RNASEH2B: variants seen among roughly 807,000 people sequenced by gnomAD.
RNASEH2B encodes ribonuclease H2 subunit B, also known as Aicardi-Goutieres syndrome 2 protein.
Under a neutral mutation model 45.0 loss-of-function variants are expected in RNASEH2B, and 36 were observed. The ratio of observed to expected loss-of-function variants is 0.80; its 90% CI spans 0.61 to 1.06. RNASEH2B has a LOEUF of 1.06. Among genes scored for constraint, RNASEH2B ranks in the 50% least tolerant of loss-of-function variants. RNASEH2B has a pLI of 0.00. For missense variants in RNASEH2B, 361 were observed against 360.3 expected (o/e 1.00, Z -0.02); for synonymous variants, 119 against 125.7 (o/e 0.95, Z 0.35).
intron 1 of RNASEH2B, among the ~76,000 whole-genome samples, chr13:50,919,947 G>A (rs1380863549): frequency 6.6e-6 from 1 of 152,186 alleles, no homozygotes; most frequent in Non-Finnish European, 1.5e-5. Context: ...TCACTGGTAT[G>A]TTTTCTTTAA....
At chr13:50,952,791 T>C (rs1339012454) in intron 9 of RNASEH2B, 1 of 152,258 alleles carries the variant, frequency 6.6e-6, no homozygotes, top group Non-Finnish European at 1.5e-5. Flanking sequence ...TTTCTTTTAA[T>C]GATTCATTTG....
intron 9 of RNASEH2B, among the ~76,000 whole-genome samples, chr13:50,965,402 T>G (rs1952155494): frequency 1.3e-5 from 2 of 152,312 alleles, no homozygotes; most frequent in South Asian, 4.1e-4. Flanking sequence ...ACTTTTCCCA[T>G]AACATATCCC....
chr13:50,949,762 A>G (rs754489489), intron 9 of RNASEH2B, among the ~76,000 whole-genome samples: 22 of 152,214 alleles, frequency 1.4e-4, no homozygotes, highest in Non-Finnish European at 2.4e-4. Context: ...TGAAAATATT[A>G]AAGACATATA....
Position 50,930,730 on chromosome 13 carries a change from C to T in RNASEH2B, c.292C>T (p.Leu98Phe). The T allele has an allele frequency of 1.2e-6, 2 of 1,613,832 alleles. No individual in the cohort carries two copies. The highest frequency in any genetic ancestry group is 2.2e-5 in the East Asian group (1 of 44,892). The change falls in exon 4 of 11, where the codon CTC (leucine) becomes TTC (phenylalanine). Residue 98 changes from leucine (L) to phenylalanine (F), a missense_variant. Physicochemically the swap from Leu to Phe is conservative, Grantham distance 22 (BLOSUM62 0). Coordinates refer to ENST00000336617, the MANE Select transcript of RNASEH2B (RefSeq NM_024570.4). ...ACCTGTGGATCCTCTATTTCTGCTT[C>T]TCCACTACCTCATAAAGGCTGATAA... ...ATPVDPLFLL[L>F]HYLIKADKEG...
intron 1 of RNASEH2B, chr13:50,911,892 G>T (rs1879421825): frequency 6.6e-6 from 1 of 152,170 alleles, no homozygotes; most frequent in Admixed American, 6.5e-5. Context: ...TTGTTGTTCT[G>T]TTTAATCAGT....
At chr13:50,969,534 A>G (rs553178493) in intron 9 of RNASEH2B, among the ~76,000 whole-genome samples, 45 of 151,892 alleles carry the variant, frequency 3.0e-4, no homozygotes, top group African/African-American at 8.9e-4. Context: ...AAAAAAAAAA[A>G]AAAAGAAAAA....
rs1879691043 is a variant in RNASEH2B at position 50,915,565 on chromosome 13, T to C, written c.64+5425T>C. On this transcript the variant is annotated intron_variant, in intron 1 of 10. Coordinates refer to ENST00000336617, the MANE Select transcript of RNASEH2B (RefSeq NM_024570.4). ...ATATAAATATGTATTGAACACCTAA[T>C]ACATGCCAGGAGCTAGAGAGAGTCC... 1.0e-5 allele frequency: 4 copies of C among 398,344 alleles called. No individual in the cohort carries two copies. In the East Asian group the frequency reaches 1.4e-4, roughly 14 times the overall value. 24.7% of individuals were successfully genotyped at this position (398,344 alleles called of 1,614,324 possible).
intron 1 of RNASEH2B, among the ~76,000 whole-genome samples, chr13:50,917,401 G>A (rs186283853): frequency 6.6e-6 from 1 of 152,308 alleles, no homozygotes; most frequent in African/African-American, 2.4e-5. Context: ...TATAGGTATA[G>A]CAGAGGTTTA....
intron 9 of RNASEH2B, chr13:50,969,855 C>T: frequency 7.2e-7 from 1 of 1,394,272 alleles, no homozygotes; most frequent in South Asian, 1.2e-5. Context: ...GTTCTAGGAG[C>T]TGCAGATGGT....
chr13:50,943,126 G>A (rs921826578), intron 5 of RNASEH2B, 195 bp from the exon 6 acceptor site: 1 of 515,512 alleles, frequency 1.9e-6, no homozygotes, highest in Non-Finnish European at 3.5e-6. Flanking sequence ...TTTAGTGGTT[G>A]ATGACTCCTG....
intron 9 of RNASEH2B, chr13:50,951,867 C>G (rs76130067): frequency 1.3e-5 from 2 of 152,062 alleles, no homozygotes; most frequent in Non-Finnish European, 2.9e-5. Context: ...ACACTTGTAA[C>G]TGGTATCTTG....
At chr13:50,930,162 G>T (rs1951658494) in intron 3 of RNASEH2B, 2 of 220,292 alleles carry the variant, frequency 9.1e-6, no homozygotes, top group South Asian at 1.4e-4. Context: ...TGGGGTGGGG[G>T]CAGTCAGTGG....
chr13:50,928,936 T>G, intron 2 of RNASEH2B, among the ~76,000 whole-genome samples: 1 of 149,316 alleles, frequency 6.7e-6, no homozygotes, highest in South Asian at 2.1e-4. Flanking sequence ...TCCTCCCTTT[T>G]TTTTTTTTTT....
At chr13:50,943,095 GT>G (rs1464704663) in intron 5 of RNASEH2B, 2 of 448,202 alleles carry the variant, frequency 4.5e-6, no homozygotes, top group African/African-American at 4.1e-5. Flanking sequence ...TAATTTGAAG[GT>G]TTTCTTAAAT....
chr13:50,930,194 C>A, intron 3 of RNASEH2B: 1 of 224,002 alleles, frequency 4.5e-6, no homozygotes, highest in Non-Finnish European at 8.9e-6. Flanking sequence ...ATCCTACATC[C>A]CCCTGCCCAC....
chr13:50,951,920 C>T (rs1410121544), intron 9 of RNASEH2B: 1 of 152,084 alleles, frequency 6.6e-6, no homozygotes, highest in Non-Finnish European at 1.5e-5. Flanking sequence ...GTCATTTCTC[C>T]AATTAAACAT....
At chr13:50,947,069 G>T (rs1566087892) in intron 7 of RNASEH2B, among the ~76,000 whole-genome samples, 1 of 152,082 alleles carries the variant, frequency 6.6e-6, no homozygotes, top group East Asian at 1.9e-4. Flanking sequence ...TTGTTACTTT[G>T]ACTTGAGAGC....
chr13:50,918,433 G>A lies in RNASEH2B; in HGVS notation c.64+8293G>A, dbSNP rs187504917. 2.8e-3 allele frequency among the ~76,000 whole-genome samples: 419 copies of A among 152,256 alleles called. 4 individuals carry two copies. The highest frequency in any genetic ancestry group is 9.0e-3 in the African/African-American group (375 of 41,566). ...ATTACAGGCGTGAGCCACTGCGCCCGGCCTCTAATTTTTATTTTTTTCTCC... is the reference window on the plus strand; with the variant it reads ...ATTACAGGCGTGAGCCACTGCGCCCAGCCTCTAATTTTTATTTTTTTCTCC... On this transcript the variant is annotated intron_variant, in intron 1 of 10. Transcript: ENST00000336617.
intron 1 of RNASEH2B, among the ~76,000 whole-genome samples, chr13:50,918,556 T>G (rs1386414318): frequency 6.6e-6 from 1 of 152,354 alleles, no homozygotes; most frequent in East Asian, 1.9e-4. Flanking sequence ...GGTTTGCCTC[T>G]TGTAGTCTTT....
Sources: gnomAD v4.1 joint callset for allele counts (sites outside exome capture counted in the v4.1 genomes callset) on GRCh38, gnomAD v4.1.1 for gene constraint, MANE v1.5 for transcripts, NCBI Gene and HGNC (gene_info 2026-07-23, HGNC 2026-07-21) for gene names.